OTOG: variants seen among roughly 807,000 people sequenced by gnomAD.
OTOG encodes otogelin.
OTOG carries 296 observed loss-of-function variants against 313.8 expected under a neutral mutation model. The observed-to-expected ratio is 0.94, with a 90% CI of 0.86 to 1.04. The LOEUF (loss-of-function observed/expected upper bound fraction) is 1.04. Among genes scored for constraint, OTOG ranks in the 50% least tolerant of loss-of-function variants. The pLI, the probability that OTOG is intolerant of heterozygous loss-of-function variation, is 0.00. For synonymous variants in OTOG, 1,533 were observed against 1,554.9 expected (o/e 0.99, Z 0.33); for missense variants, 3,948 against 3,840.1 (o/e 1.03, Z -0.74).
At chr11:17,573,433 C>A in intron 19 of OTOG, 143 bp downstream of exon 19, 1 of 880,996 alleles carries the variant, frequency 1.1e-6, no homozygotes, top group Non-Finnish European at 1.7e-6. Context: ...TCCTCCTGCA[C>A]CCTCCATCTC....
At position 17,610,973 on chromosome 11, in the gene OTOG, T is replaced by C. The variant is rs1249349707; in HGVS notation, c.5673T>C (p.Ala1891=). ...CAACCTCTGGAGTCCTGCCTGTGGC[T>C]GAGGGCACGGCCTCCATGGTATCTG... ...TLPTSGVLPV[A]EGTASMVSVV... The change falls in exon 36 of 56, where the codon GCT becomes GCC. Residue 1891 remains alanine, a synonymous_variant. Coordinates refer to ENST00000399397, the MANE Select transcript of OTOG (RefSeq NM_001292063.2). 3 of 1,550,564 alleles carry C rather than the reference T, an allele frequency of 1.9e-6. No individual in the cohort carries two copies. The highest frequency in any genetic ancestry group is 2.0e-5 in the Admixed American group (1 of 51,010).
chr11:17,575,794 G>A (rs1449462459), intron 20 of OTOG, among the ~76,000 whole-genome samples: 2 of 152,200 alleles, frequency 1.3e-5, no homozygotes, highest in Admixed American at 6.5e-5. Context: ...ACCCCTTGAT[G>A]TTGAGTGTTG....
At chr11:17,582,757 T>G (rs966709540) in intron 23 of OTOG, among the ~76,000 whole-genome samples, 1 of 152,230 alleles carries the variant, frequency 6.6e-6, no homozygotes, top group Admixed American at 6.5e-5. Context: ...CGTGTATCTT[T>G]CTTTGTGAAG....
At chr11:17,549,998 AT>A (rs1284432878) in intron 3 of OTOG, among the ~76,000 whole-genome samples, 1 of 152,138 alleles carries the variant, frequency 6.6e-6, no homozygotes, top group Non-Finnish European at 1.5e-5. Flanking sequence ...GAGCTCAACC[AT>A]TTTCTAGAGA....
intron 23 of OTOG, among the ~76,000 whole-genome samples, chr11:17,578,979 A>C (rs1852603345): frequency 6.6e-6 from 1 of 152,206 alleles, no homozygotes; most frequent in Non-Finnish European, 1.5e-5. Context: ...TTAAAAAAAG[A>C]AGACCCCACC....
intron 24 of OTOG, among the ~76,000 whole-genome samples, chr11:17,587,007 G>A (rs1852809847): frequency 6.6e-6 from 1 of 152,172 alleles, no homozygotes. Flanking sequence ...GTAGACAGGT[G>A]TGTTTATATA....
rs749267915 is a variant in OTOG, at chr11:17,558,285, G to A, written c.966G>A (p.Pro322=). The A allele has an allele frequency of 4.0e-5, 62 of 1,550,672 alleles. No individual in the cohort carries two copies. The highest frequency in any genetic ancestry group is 5.5e-5 in the African/African-American group (4 of 73,030). The change falls in exon 9 of 56, where the codon CCG becomes CCA. Residue 322 remains proline, a synonymous_variant. Transcript: ENST00000399397. The part of the protein sequence containing the change: ...GPTTSSLPRP[P]CLQQNPGTMQ... ...CAACTTCCTCCCTGCCTCGCCCACC[G>A]TGCCTACAGCAGAACCCAGGAACCA...
intron 14 of OTOG, among the ~76,000 whole-genome samples, chr11:17,561,436 C>T (rs1376504661): frequency 2.0e-5 from 3 of 152,188 alleles, no homozygotes; most frequent in African/African-American, 4.8e-5. Context: ...CCTGGTCTCC[C>T]CTCCAAGGGA....
At chr11:17,612,501 C>G (rs1853585971) in intron 37 of OTOG, 119 bp from the exon 38 acceptor site, 2 of 1,397,988 alleles carry the variant, frequency 1.4e-6, no homozygotes, top group African/African-American at 1.4e-5. Context: ...GAGCCACCCT[C>G]CAGACCCCAG....
rs1565116446 is a variant in OTOG at position 17,610,199 on chromosome 11, A to G, written c.4899A>G (p.Thr1633=). The G allele has an allele frequency of 1.9e-6, 3 of 1,549,892 alleles. No homozygotes were observed. The highest frequency in any genetic ancestry group is 1.7e-6 in the Non-Finnish European group (2 of 1,146,752). Residue 1633 remains threonine, a synonymous_variant, in exon 36 of 56, where the codon ACA becomes ACG. Coordinates refer to ENST00000399397, the MANE Select transcript of OTOG (RefSeq NM_001292063.2). ...ATGGCTCCTTGCCTGTTAGGACGAC[A>G]CCCCCACAGCCCTCCTTGACAGCAA... The part of the protein sequence containing the change: ...RGHGSLPVRT[T]PPQPSLTASP...
chr11:17,625,538 C>T (rs1007980374), intron 39 of OTOG, among the ~76,000 whole-genome samples: 1 of 152,168 alleles, frequency 6.6e-6, no homozygotes, highest in Non-Finnish European at 1.5e-5. Flanking sequence ...TTTTGATATG[C>T]CACTGGATCC....
chr11:17,580,400 G>C (rs1040025263), intron 23 of OTOG, among the ~76,000 whole-genome samples: 9 of 152,342 alleles, frequency 5.9e-5, no homozygotes, highest in African/African-American at 2.2e-4. Context: ...CTTCTCATCT[G>C]GATCCCATGC....
chr11:17,612,795 G>C, intron 38 of OTOG, 30 bp downstream of exon 38: 1 of 1,546,010 alleles, frequency 6.5e-7, no homozygotes, highest in Non-Finnish European at 8.7e-7. Context: ...CTCCCTGCTG[G>C]GGACTAGGAA....
chr11:17,632,088 G>A lies in OTOG; in HGVS notation c.6934G>A (p.Val2312Met). The change falls in exon 42 of 56, where the codon GTG (valine) becomes ATG (methionine). Residue 2312 changes from valine to methionine, a missense_variant and splice_region_variant. Physicochemically the swap from Val to Met is conservative, Grantham distance 21. Transcript: ENST00000399397. ...AGCACTGCCTGATGCATATGTCCAG[G>A]TGCCTCCGGAGTCATTCTGTGAGCT... ...NRTFSACHRFVPPESFCELWI... is the reference protein window; with the variant it reads ...NRTFSACHRFMPPESFCELWI... The A allele has an allele frequency of 6.4e-7, 1 of 1,550,818 alleles. No homozygotes were observed. The highest frequency in any genetic ancestry group is 8.7e-7 in the Non-Finnish European group (1 of 1,146,940).
rs142093486 is a variant in OTOG at position 17,585,511 on chromosome 11, C to T, written c.2760-963C>T. Among the ~76,000 whole-genome samples the T allele has an allele frequency of 6.1e-3, 926 of 152,204 alleles. 6 individuals are homozygous for T. Among genetic ancestry groups the T allele is most frequent in the African/African-American group, 0.022 (899 of 41,532 alleles). ...GTTCTGTTTTTTATTTCACTAATTT[C>T]TCCTCTTATATTCATTTCTTTCCTA... On this transcript the variant is annotated intron_variant, in intron 23 of 55. Transcript: ENST00000399397.
intron 9 of OTOG, 110 bp downstream of exon 9, chr11:17,558,425 C>T: frequency 2.0e-6 from 3 of 1,516,788 alleles, no homozygotes; most frequent in Non-Finnish European, 2.7e-6. Context: ...TTGACCCCAT[C>T]CCTCTCTTCT....
chr11:17,620,182 T>C (rs1185417961), intron 39 of OTOG, among the ~76,000 whole-genome samples: 3 of 152,196 alleles, frequency 2.0e-5, no homozygotes, highest in Admixed American at 2.0e-4. Context: ...TGCCTCTGTA[T>C]AGCTCCAAAA....
chr11:17,613,209 TTCTTTCTTTC>T (rs1853622550), intron 38 of OTOG, among the ~76,000 whole-genome samples: 1 of 116,780 alleles, frequency 8.6e-6, no homozygotes, highest in Non-Finnish European at 1.7e-5. Flanking sequence ...CTTTCTTTCT[TTCTTTCTTTC>T]TTTCTTTCTT....
At chr11:17,555,523 T>C (rs1229188383) in intron 6 of OTOG, among the ~76,000 whole-genome samples, 1 of 152,174 alleles carries the variant, frequency 6.6e-6, no homozygotes, top group Non-Finnish European at 1.5e-5. Flanking sequence ...CCCTGGAATC[T>C]GAGCCATCCA....
Sources: allele counts gnomAD v4.1 joint callset (sites outside exome capture counted in the v4.1 genomes callset), GRCh38; gene constraint gnomAD v4.1.1; transcripts MANE v1.5; gene names NCBI Gene and HGNC (gene_info 2026-07-23, HGNC 2026-07-21).